PTPRM: variants seen among roughly 807,000 people sequenced by gnomAD.
The protein encoded by PTPRM is receptor-type tyrosine-protein phosphatase mu.
A neutral mutation model predicts 186.7 loss-of-function variants in PTPRM; 47 were observed. The observed-to-expected ratio is 0.25, with a 90% CI of 0.20 to 0.32. The LOEUF is 0.32. Ranked by LOEUF, PTPRM falls within the 10% of genes least tolerant of loss-of-function variation. The pLI is 1.00. For synonymous variants in PTPRM, 668 were observed against 674.9 expected, an observed-to-expected ratio of 0.99 and a Z score of 0.16; for missense variants, 1,494 against 1,865.0, an observed-to-expected ratio of 0.80 and a Z score of 3.66.
rs143895566 is a variant in PTPRM at position 8,344,430 on chromosome 18, A to ATGTGTGTG, written c.3054+922_3054+929dup. Among the ~76,000 whole-genome samples the ATGTGTGTG allele has an allele frequency of 1.6e-3, 180 of 110,878 alleles. 1 individual carries two copies. The highest frequency in any genetic ancestry group is 5.4e-3 in the African/African-American group (167 of 31,074). The allele number at this position is 110,878 out of a possible 152,430, so 72.7% of individuals were successfully genotyped here. A position where few individuals can be genotyped will look rare whatever the true frequency, so the allele number is the denominator to read the frequency against. On this transcript the variant is annotated intron_variant, in intron 23 of 32. Coordinates refer to ENST00000580170, the MANE Select transcript of PTPRM (RefSeq NM_001105244.2). ...CACAATATAAGTAGGAGATATATAT[A>ATGTGTGTG]TGTGTGTGTGTGTGTGTGTATATAT...
chr18:8,342,509 C>A (rs944616729), intron 22 of PTPRM, among the ~76,000 whole-genome samples: 7 of 152,214 alleles, frequency 4.6e-5, no homozygotes, highest in Admixed American at 4.6e-4. Context: ...ATACCTAGTA[C>A]AATTGGGTTC....
chr18:8,253,465 G>A, intron 19 of PTPRM, 51 bp downstream of exon 19: 1 of 1,360,700 alleles, frequency 7.3e-7, no homozygotes, highest in Admixed American at 3.3e-5. Context: ...TGGATTCCAT[G>A]CCAGGTACTG....
chr18:7,762,416 A>G (rs1220648362), intron 1 of PTPRM, among the ~76,000 whole-genome samples: 5 of 152,136 alleles, frequency 3.3e-5, no homozygotes, highest in Non-Finnish European at 4.4e-5. Context: ...GGGTGAATCT[A>G]CAGATAGTCG....
At chr18:8,168,358 G>A (rs1284718688) in intron 14 of PTPRM, among the ~76,000 whole-genome samples, 2 of 152,042 alleles carry the variant, frequency 1.3e-5, no homozygotes, top group Admixed American at 6.5e-5. Context: ...AACTGGCAGG[G>A]CCTTATAACA....
chr18:8,197,681 T>C (rs2093798841), intron 14 of PTPRM, among the ~76,000 whole-genome samples: 1 of 152,148 alleles, frequency 6.6e-6, no homozygotes, highest in Non-Finnish European at 1.5e-5. Context: ...ACTAATATAC[T>C]CCTCAGTCAC....
At chr18:8,020,668 C>G (rs576579441) in intron 7 of PTPRM, among the ~76,000 whole-genome samples, 1 of 152,314 alleles carries the variant, frequency 6.6e-6, no homozygotes, top group African/African-American at 2.4e-5. Context: ...GGTGCCTTTA[C>G]AGCCCAATCA....
At chr18:8,242,741 C>A (rs1000979390) in intron 14 of PTPRM, among the ~76,000 whole-genome samples, 5 of 152,128 alleles carry the variant, frequency 3.3e-5, no homozygotes, top group Admixed American at 3.3e-4. Flanking sequence ...GGCAAGAAAG[C>A]ATTTGGATTA....
intron 14 of PTPRM, among the ~76,000 whole-genome samples, chr18:8,162,260 C>T (rs1337763439): frequency 6.6e-6 from 1 of 152,072 alleles, no homozygotes; most frequent in East Asian, 1.9e-4. Context: ...CCACCACGCC[C>T]AGCTAATTTT....
chr18:7,864,373 G>GT (rs1468159508), intron 2 of PTPRM, among the ~76,000 whole-genome samples: 1 of 151,962 alleles, frequency 6.6e-6, no homozygotes, highest in Non-Finnish European at 1.5e-5. Flanking sequence ...TAATTTTTGT[G>GT]TAAGGTGTAA....
chr18:7,880,280 A>G (rs900458278), intron 2 of PTPRM, among the ~76,000 whole-genome samples: 1 of 152,200 alleles, frequency 6.6e-6, no homozygotes, highest in Admixed American at 6.5e-5. Flanking sequence ...GTGATACAGT[A>G]TTACTTCTTT....
chr18:7,646,907 T>C (rs758021451), intron 1 of PTPRM, among the ~76,000 whole-genome samples: 4 of 152,072 alleles, frequency 2.6e-5, no homozygotes, highest in Non-Finnish European at 5.9e-5. Flanking sequence ...GGTCTCTGTA[T>C]TTTTAGGGGG....
intron 32 of PTPRM, among the ~76,000 whole-genome samples, chr18:8,396,488 T>C (rs564979482): frequency 1.1e-4 from 17 of 152,310 alleles, no homozygotes; most frequent in African/African-American, 3.6e-4. Flanking sequence ...CCAGGTTTTA[T>C]GGGCAGGAGT....
chr18:8,208,361 CA>C (rs1263734232), intron 14 of PTPRM, among the ~76,000 whole-genome samples: 1 of 152,270 alleles, frequency 6.6e-6, no homozygotes, highest in East Asian at 1.9e-4. Context: ...ACAAAATTAA[CA>C]AAATCTCTCC....
chr18:8,129,790 C>G lies in PTPRM; in HGVS notation c.2168-13857C>G, dbSNP rs534240701. Among the ~76,000 whole-genome samples the G allele has an allele frequency of 3.3e-5, 5 of 152,208 alleles. No homozygotes were observed. The South Asian group carries it at 1.0e-3, about 32-fold the overall frequency. On this transcript the variant is annotated intron_variant, in intron 13 of 32. Coordinates refer to ENST00000580170, the MANE Select transcript of PTPRM (RefSeq NM_001105244.2). ...GCAGGATGTAGAGGAGGCAACAGATCAAGAAAATATCAAGAATTAATTTAG... is the reference window on the plus strand; with the variant it reads ...GCAGGATGTAGAGGAGGCAACAGATGAAGAAAATATCAAGAATTAATTTAG...
At chr18:8,080,780 C>T (rs904698719) in intron 9 of PTPRM, among the ~76,000 whole-genome samples, 1 of 152,096 alleles carries the variant, frequency 6.6e-6, no homozygotes, top group African/African-American at 2.4e-5. Context: ...ACGCCATCTC[C>T]TACTATTTTT....
chr18:8,292,301 T>C (rs1173354322), intron 19 of PTPRM, among the ~76,000 whole-genome samples: 1 of 152,190 alleles, frequency 6.6e-6, no homozygotes, highest in Non-Finnish European at 1.5e-5. Context: ...GGATCCATCT[T>C]AGGAAAAAAA....
Position 8,114,777 on chromosome 18 carries a change from T to C in PTPRM, c.2131-14T>C. 1 of 1,599,772 alleles carries C rather than the reference T, an allele frequency of 6.3e-7. No individual in the cohort carries two copies. Among genetic ancestry groups the C allele is most frequent in the Non-Finnish European group, 8.5e-7 (1 of 1,171,050 alleles). On this transcript the variant is annotated splice_polypyrimidine_tract_variant and intron_variant, in intron 12 of 32. Coordinates refer to ENST00000580170, the MANE Select transcript of PTPRM (RefSeq NM_001105244.2). ...ACATGAATAATGATTTTTCCCTCTC[T>C]TTATTTGACACAGGAAACCAAAATA... is the stretch of plus-strand genomic sequence containing the variant.
chr18:7,898,739 A>G (rs1393916569), intron 3 of PTPRM, among the ~76,000 whole-genome samples: 1 of 152,204 alleles, frequency 6.6e-6, no homozygotes, highest in African/African-American at 2.4e-5. Context: ...CTTACATCCC[A>G]GGGCTGCAAA....
At chr18:8,342,147 G>A (rs1187186388) in intron 22 of PTPRM, among the ~76,000 whole-genome samples, 2 of 152,208 alleles carry the variant, frequency 1.3e-5, no homozygotes, top group African/African-American at 2.4e-5. Flanking sequence ...CACAAGAACC[G>A]ATTGCTAATT....
Sources: gnomAD v4.1 joint callset for allele counts (sites outside exome capture counted in the v4.1 genomes callset) on GRCh38, gnomAD v4.1.1 for gene constraint, MANE v1.5 for transcripts, NCBI Gene and HGNC (gene_info 2026-07-23, HGNC 2026-07-21) for gene names.